The following TENM3 variants were observed in gnomAD, a reference collection of about 807,000 sequenced individuals.
The protein encoded by TENM3 is teneurin-3.
In TENM3, 63 loss-of-function variants were observed where a neutral mutation model predicts 255.1. The observed-to-expected ratio is 0.25, with a 90% CI of 0.20 to 0.30. The LOEUF is 0.30. Among genes scored for constraint, TENM3 ranks in the 10% least tolerant of loss-of-function variants. The probability of loss-of-function intolerance (pLI) is 1.00; values close to 1 mark genes in which losing one functional copy is unlikely to be tolerated. For synonymous variants in TENM3, 1,306 were observed against 1,322.3 expected, an observed-to-expected ratio of 0.99 and a Z score of 0.27; for missense variants, 2,929 against 3,461.1, an observed-to-expected ratio of 0.85 and a Z score of 3.86.
chr4:181,838,523 G>T, the TENM3 span, among the ~76,000 whole-genome samples: 3 of 152,240 alleles, frequency 2.0e-5, no homozygotes, highest in African/African-American at 4.8e-5. Flanking sequence ...TAAATGTATG[G>T]TAGACCAAAC....
At chr4:182,771,425 C>CCGGT (rs1188990740) in intron 22 of TENM3, among the ~76,000 whole-genome samples, 1 of 151,568 alleles carries the variant, frequency 6.6e-6, no homozygotes, top group Non-Finnish European at 1.5e-5. Context: ...CAGTTATGGT[C>CCGGT]CAGTCAAGAG....
At chr4:182,486,392 A>G (rs965724823) in intron 3 of TENM3, among the ~76,000 whole-genome samples, 3 of 152,086 alleles carry the variant, frequency 2.0e-5, no homozygotes, top group Admixed American at 2.0e-4. Flanking sequence ...AAATATAGGG[A>G]AACAAGGAAC....
chr4:181,852,726 A>G, the TENM3 span, among the ~76,000 whole-genome samples: 2 of 152,266 alleles, frequency 1.3e-5, no homozygotes, highest in Non-Finnish European at 2.9e-5. Context: ...CGTATACACC[A>G]GGCAAGCATT....
the TENM3 span, among the ~76,000 whole-genome samples, chr4:181,764,241 G>C: frequency 3.7e-5 from 2 of 54,662 alleles, no homozygotes; most frequent in African/African-American, 4.7e-5. Flanking sequence ...CAAGAAGAGG[G>C]AGAAACAGGA....
chr4:182,762,596 G>A (rs945716884), intron 22 of TENM3, among the ~76,000 whole-genome samples: 1 of 152,164 alleles, frequency 6.6e-6, no homozygotes, highest in Admixed American at 6.5e-5. Context: ...TAAAAGCAAT[G>A]CCAGCAGCTC....
At chr4:181,862,049 G>A in the TENM3 span, among the ~76,000 whole-genome samples, 1 of 152,052 alleles carries the variant, frequency 6.6e-6, no homozygotes, top group African/African-American at 2.4e-5. Context: ...TGGCTTGGGT[G>A]GAAACTGTTA....
the TENM3 span, chr4:181,829,915 C>T: frequency 6.6e-6 from 1 of 152,316 alleles, no homozygotes; most frequent in South Asian, 2.1e-4. Flanking sequence ...AGCTCACGTC[C>T]CCACTTACCT....
chr4:182,434,604 A>C (rs1052523903), intron 3 of TENM3, among the ~76,000 whole-genome samples: 1 of 151,974 alleles, frequency 6.6e-6, no homozygotes, highest in Admixed American at 6.6e-5. Context: ...CAGAAGTTGC[A>C]GTGAGCCAAG....
At chr4:181,812,925 G>A in the TENM3 span, among the ~76,000 whole-genome samples, 1 of 152,162 alleles carries the variant, frequency 6.6e-6, no homozygotes, top group Non-Finnish European at 1.5e-5. Context: ...TGAGTTGGGG[G>A]GAATAGCTGC....
chr4:181,861,532 G>A, the TENM3 span, among the ~76,000 whole-genome samples: 715 of 152,152 alleles, frequency 4.7e-3, 10 homozygotes, highest in African/African-American at 0.017. Context: ...TTCAACCACT[G>A]CCTATTTGTT....
Position 182,505,637 on chromosome 4 carries a change from C to T in TENM3, c.512-95287C>T, listed in dbSNP as rs182449163. ...GGGATTACAGGCACCCACTACCACG[C>T]CCGGCTATTTTTTTTTATTTTCAGT... is the stretch of plus-strand genomic sequence containing the variant. On this transcript the variant is annotated intron_variant, in intron 3 of 27. Coordinates refer to ENST00000511685, the MANE Select transcript of TENM3 (RefSeq NM_001080477.4). Among the ~76,000 whole-genome samples, 35 of 152,182 alleles carry T rather than the reference C, an allele frequency of 2.3e-4. No individual in the cohort carries two copies. The East Asian group carries it at 4.5e-3, about 19-fold the overall frequency.
At chr4:182,335,456 C>T (rs1483729948) in intron 2 of TENM3, among the ~76,000 whole-genome samples, 1 of 132,158 alleles carries the variant, frequency 7.6e-6, no homozygotes, top group Non-Finnish European at 1.6e-5. Context: ...GATCGCGCCA[C>T]CGCACTCCAG....
intron 1 of TENM3, among the ~76,000 whole-genome samples, chr4:182,232,376 G>A (rs1561223173): frequency 6.6e-6 from 1 of 152,144 alleles, no homozygotes; most frequent in Non-Finnish European, 1.5e-5. Context: ...TTAGCAAAAT[G>A]TCTGTTGTAT....
chr4:182,455,449 C>T (rs1331880297), intron 3 of TENM3, among the ~76,000 whole-genome samples: 1 of 152,038 alleles, frequency 6.6e-6, no homozygotes, highest in Non-Finnish European at 1.5e-5. Flanking sequence ...CCCTCTACTG[C>T]TCCTCCACTC....
chr4:182,632,054 G>A (rs1751420715), intron 5 of TENM3, among the ~76,000 whole-genome samples: 1 of 152,144 alleles, frequency 6.6e-6, no homozygotes, highest in African/African-American at 2.4e-5. Context: ...ATCCCACAGT[G>A]CATGCTGTCA....
chr4:182,324,131 A>C lies in TENM3; in HGVS notation c.111A>C (p.Thr37=). 2 of 1,614,010 alleles carry C rather than the reference A, an allele frequency of 1.2e-6. No homozygotes were observed. Among genetic ancestry groups the C allele is most frequent in the African/African-American group, 1.3e-5 (1 of 75,046 alleles). Residue 37 remains threonine, a synonymous_variant, in exon 2 of 28, where the codon ACA becomes ACC. Coordinates refer to ENST00000511685, the MANE Select transcript of TENM3 (RefSeq NM_001080477.4). ...SADNEECRVP[T]QKSYSSSETL... ...ACAATGAGGAGTGCCGGGTACCCACACAGAAGTCCTACAGTTCCAGCGAGA... is the reference window on the plus strand; with the variant it reads ...ACAATGAGGAGTGCCGGGTACCCACCCAGAAGTCCTACAGTTCCAGCGAGA...
intron 3 of TENM3, among the ~76,000 whole-genome samples, chr4:182,519,848 A>G (rs1738376794): frequency 6.6e-6 from 1 of 152,166 alleles, no homozygotes; most frequent in Non-Finnish European, 1.5e-5. Flanking sequence ...ATTTCTAAAC[A>G]TTGGTGACTA....
chr4:181,839,388 C>CACACA, the TENM3 span, among the ~76,000 whole-genome samples: 1 of 77,986 alleles, frequency 1.3e-5, no homozygotes, highest in African/African-American at 5.5e-5. Flanking sequence ...TATATATACA[C>CACACA]CTATATACAT....
chr4:182,143,532 C>T (rs868106291), upstream of TENM3: 3 of 166,962 alleles, frequency 1.8e-5, no homozygotes, highest in Admixed American at 6.5e-5. This position sits in a 1 kb window ranked among gnomAD's most constrained non-coding sequence, Gnocchi z 4.3. Context: ...CTCAGCTGAC[C>T]TGAAATGCCC....
Sources: allele counts gnomAD v4.1 joint callset (sites outside exome capture counted in the v4.1 genomes callset), GRCh38; gene constraint gnomAD v4.1.1; non-coding constraint Gnocchi (gnomAD v3.1); transcripts MANE v1.5; gene names NCBI Gene and HGNC (gene_info 2026-07-23, HGNC 2026-07-21).